RHOQ: variants seen among roughly 807,000 people sequenced by gnomAD.
RHOQ encodes the protein rho-related GTP-binding protein RhoQ.
Under a neutral mutation model 25.8 loss-of-function variants are expected in RHOQ, and 7 were observed. The observed-to-expected ratio is 0.27, with a 90% CI of 0.15 to 0.51. The LOEUF (loss-of-function observed/expected upper bound fraction) is 0.51. RHOQ is among the 20% of genes least tolerant of loss of function. RHOQ has a pLI of 0.97. For missense variants in RHOQ, 165 were observed against 260.6 expected, an observed-to-expected ratio of 0.63 and a Z score of 2.53; for synonymous variants, 97 against 98.6, an observed-to-expected ratio of 0.98 and a Z score of 0.10.
Position 46,552,928 on chromosome 2 carries a change from A to G in RHOQ, c.201+9116A>G, listed in dbSNP as rs113514360. 6.2e-4 allele frequency among the ~76,000 whole-genome samples: 94 copies of G among 152,316 alleles called. No individual in the cohort carries two copies. Among genetic ancestry groups the G allele is most frequent in the African/African-American group, 2.1e-3 (88 of 41,570 alleles). ...AGTTAAGTTGAGTAAGGTTGTTTCC[A>G]CGAAAGTTGTTTTTTAGCTGGAGAA... On this transcript the variant is annotated intron_variant, in intron 2 of 4. Coordinates refer to ENST00000238738, the MANE Select transcript of RHOQ (RefSeq NM_012249.4). This position sits in a 1 kb window ranked among gnomAD's most constrained non-coding sequence, Gnocchi z 5.0.
chr2:46,579,988 ACCT>A (rs1669290477), intron 4 of RHOQ: 1 of 152,366 alleles, frequency 6.6e-6, no homozygotes, highest in Non-Finnish European at 1.5e-5. Context: ...CCTGGTTCAG[ACCT>A]CCTCCATCTC....
At chr2:46,553,451 CCCT>C (rs1668305719) in intron 2 of RHOQ, among the ~76,000 whole-genome samples, 1 of 152,140 alleles carries the variant, frequency 6.6e-6, no homozygotes, top group South Asian at 2.1e-4. Flanking sequence ...GGTATCCATC[CCCT>C]CAAGCAGTTA....
chr2:46,565,098 C>T (rs1424159213), intron 2 of RHOQ, among the ~76,000 whole-genome samples: 2 of 152,156 alleles, frequency 1.3e-5, no homozygotes, highest in Admixed American at 6.5e-5. Flanking sequence ...GCAGGAGCTA[C>T]GTTGGACAAG....
chr2:46,579,452 T>A (rs1247611212), intron 4 of RHOQ, among the ~76,000 whole-genome samples: 1 of 152,236 alleles, frequency 6.6e-6, no homozygotes, highest in Non-Finnish European at 1.5e-5. Flanking sequence ...GTTATCCAGC[T>A]GTTTACTCAA....
intron 2 of RHOQ, among the ~76,000 whole-genome samples, chr2:46,557,492 G>A (rs1406946397): frequency 6.6e-6 from 1 of 151,894 alleles, no homozygotes; most frequent in Admixed American, 6.6e-5. Context: ...AAACTTTAAA[G>A]AAAATGCACA....
chr2:46,577,396 C>CTTTTTTTT (rs745605616), intron 4 of RHOQ, among the ~76,000 whole-genome samples: 1 of 110,154 alleles, frequency 9.1e-6, no homozygotes, highest in Non-Finnish European at 1.8e-5. Flanking sequence ...CATATATGGT[C>CTTTTTTTT]TTTTTTTTTT....
intron 2 of RHOQ, 122 bp downstream of exon 2, chr2:46,543,934 G>C (rs1667948423): frequency 1.3e-6 from 1 of 741,658 alleles, no homozygotes; most frequent in South Asian, 1.7e-5. Flanking sequence ...GCTTCCCCTG[G>C]ATTAGGTCTT....
chr2:46,575,346 G>A (rs191231335), intron 2 of RHOQ, among the ~76,000 whole-genome samples: 2 of 151,840 alleles, frequency 1.3e-5, no homozygotes, highest in Admixed American at 6.6e-5. Context: ...ATGAAAGTTG[G>A]AGAGTAAAGG....
intron 2 of RHOQ, among the ~76,000 whole-genome samples, chr2:46,553,847 G>A (rs1668326546): frequency 6.6e-6 from 1 of 152,104 alleles, no homozygotes; most frequent in South Asian, 2.1e-4. Flanking sequence ...AAAGTGCTGG[G>A]ATTACAGGCG....
In RHOQ at chr2:46,576,290, C is replaced by G. The variant is rs777816412; in HGVS notation, c.366+39C>G. ...GATTTTCTGCATTTTAGAATAAGCT[C>G]TTTGGTCTGTCGTAGAGGCTGCTCT... On this transcript the variant is annotated intron_variant, in intron 3 of 4. Coordinates refer to ENST00000238738, the MANE Select transcript of RHOQ (RefSeq NM_012249.4). This position sits in a 1 kb window ranked among gnomAD's most constrained non-coding sequence, Gnocchi z 5.1. 7 of 1,552,796 alleles carry G rather than the reference C, an allele frequency of 4.5e-6. No homozygotes were observed. Among genetic ancestry groups the G allele is most frequent in the Non-Finnish European group, 6.2e-6 (7 of 1,133,428 alleles).
Position 46,543,922 on chromosome 2 carries a change from G to T in RHOQ, c.201+110G>T, listed in dbSNP as rs879694345. The stretch of plus-strand genomic sequence containing the variant: ...CTAGGTGGGAGGGTGTGTCTGCGAC[G>T]GGCTTCCCCTGGATTAGGTCTTTAT... On this transcript the variant is annotated intron_variant, in intron 2 of 4. Transcript: ENST00000238738. 4.9e-5 allele frequency: 42 copies of T among 849,858 alleles called. No homozygotes were observed. In the Admixed American group the frequency reaches 1.0e-3, roughly 21 times the overall value. 52.6% of individuals were successfully genotyped at this position (849,858 alleles called of 1,614,324 possible).
intron 2 of RHOQ, among the ~76,000 whole-genome samples, chr2:46,557,577 G>A (rs1276535694): frequency 6.6e-6 from 1 of 152,074 alleles, no homozygotes; most frequent in Non-Finnish European, 1.5e-5. Context: ...TGGTGACCAT[G>A]AATAATTTTA....
Position 46,555,111 on chromosome 2 carries a change from C to T in RHOQ, c.201+11299C>T, listed in dbSNP as rs1260979909. ...GGGCTCTGCTTCCTTCGGACAGGGA[C>T]TTCGTCCAACAGGCGAGAGCTTTGG... On this transcript the variant is annotated intron_variant, in intron 2 of 4. Transcript: ENST00000238738. This position sits in a 1 kb window ranked among gnomAD's most constrained non-coding sequence, Gnocchi z 4.3. 6.6e-6 allele frequency among the ~76,000 whole-genome samples: 1 copy of T among 152,244 alleles called. No homozygotes were observed. The highest frequency in any genetic ancestry group is 2.4e-5 in the African/African-American group (1 of 41,462).
At chr2:46,579,440 T>C (rs1190859157) in intron 4 of RHOQ, among the ~76,000 whole-genome samples, 2 of 152,224 alleles carry the variant, frequency 1.3e-5, no homozygotes, top group Non-Finnish European at 2.9e-5. Flanking sequence ...ATTCTCAATT[T>C]GGTTATCCAG....
chr2:46,554,222 G>A (rs544035973), intron 2 of RHOQ, among the ~76,000 whole-genome samples: 28 of 151,382 alleles, frequency 1.8e-4, no homozygotes, highest in African/African-American at 5.1e-4. Context: ...GAGATTATCC[G>A]TAATTACTGG....
At chr2:46,560,728 T>C in intron 2 of RHOQ, 1 of 428,258 alleles carries the variant, frequency 2.3e-6, no homozygotes, top group African/African-American at 2.0e-5. Context: ...CAATTTCTAC[T>C]TTGCTAGACT....
chr2:46,559,115 G>A (rs985327179), intron 2 of RHOQ, among the ~76,000 whole-genome samples: 1 of 151,950 alleles, frequency 6.6e-6, no homozygotes, highest in Non-Finnish European at 1.5e-5. Context: ...CACCACTTCT[G>A]GCTAGTTTTT....
At chr2:46,579,730 C>A (rs1247235616) in intron 4 of RHOQ, among the ~76,000 whole-genome samples, 1 of 152,012 alleles carries the variant, frequency 6.6e-6, no homozygotes, top group African/African-American at 2.4e-5. Context: ...TGCCTGTAAT[C>A]CCAGCTAGTC....
chr2:46,564,426 T>C (rs1230576484), intron 2 of RHOQ, among the ~76,000 whole-genome samples: 2 of 152,090 alleles, frequency 1.3e-5, no homozygotes, highest in Non-Finnish European at 2.9e-5. Flanking sequence ...TCCTCAGAAA[T>C]TGTGTGTGTT....
Sources: gnomAD v4.1 joint callset for allele counts (sites outside exome capture counted in the v4.1 genomes callset) on GRCh38, gnomAD v4.1.1 for gene constraint, Gnocchi (gnomAD v3.1) non-coding constraint, MANE v1.5 for transcripts, NCBI Gene and HGNC (gene_info 2026-07-23, HGNC 2026-07-21) for gene names.